The following FHIT variants were observed in gnomAD, a reference collection of about 807,000 sequenced individuals.
FHIT encodes the protein fragile histidine triad diadenosine triphosphatase.
Under a neutral mutation model 17.9 loss-of-function variants are expected in FHIT, and 19 were observed. The observed-to-expected ratio is 1.06, with a 90% CI of 0.74 to 1.56. The LOEUF (loss-of-function observed/expected upper bound fraction) is 1.56, where lower values mean the gene tolerates loss of function less well. Among genes scored for constraint, FHIT ranks in the 40% most tolerant of loss-of-function variants. The probability of loss-of-function intolerance (pLI) is 0.00; values close to 1 mark genes in which losing one functional copy is unlikely to be tolerated. For synonymous variants in FHIT, 81 were observed against 69.7 expected (o/e 1.16, Z -0.81); for missense variants, 248 against 189.2 (o/e 1.31, Z -1.82).
At chr3:60,131,854 C>T (rs1699610500) in intron 5 of FHIT, among the ~76,000 whole-genome samples, 1 of 152,096 alleles carries the variant, frequency 6.6e-6, no homozygotes, top group Non-Finnish European at 1.5e-5. Flanking sequence ...ACATAGGTCC[C>T]TTCCTCACTT....
chr3:60,333,139 T>C (rs956708955), intron 5 of FHIT, among the ~76,000 whole-genome samples: 6 of 152,242 alleles, frequency 3.9e-5, no homozygotes, highest in African/African-American at 1.2e-4. Flanking sequence ...ATTGGCTGAA[T>C]TACTTAACAG....
chr3:60,548,641 T>C (rs2036448613), intron 4 of FHIT, among the ~76,000 whole-genome samples: 1 of 152,280 alleles, frequency 6.6e-6, no homozygotes, highest in South Asian at 2.1e-4. Context: ...GTCCTCTAAG[T>C]AGCAACAACA....
At chr3:60,899,026 AT>A (rs1183570256) in intron 3 of FHIT, among the ~76,000 whole-genome samples, 1 of 152,056 alleles carries the variant, frequency 6.6e-6, no homozygotes, top group Non-Finnish European at 1.5e-5. Flanking sequence ...AATAACATGC[AT>A]TTTTTTTCCA....
intron 8 of FHIT, among the ~76,000 whole-genome samples, chr3:59,797,374 A>T (rs1225329497): frequency 6.6e-6 from 1 of 152,044 alleles, no homozygotes; most frequent in Non-Finnish European, 1.5e-5. Flanking sequence ...TTTAGTAGAG[A>T]TGGGGTTTTA....
intron 3 of FHIT, among the ~76,000 whole-genome samples, chr3:61,040,805 A>G (rs2033470877): frequency 6.6e-6 from 1 of 152,166 alleles, no homozygotes; most frequent in Non-Finnish European, 1.5e-5. Flanking sequence ...ACACAATAAG[A>G]GCCACTTATA....
At chr3:60,197,460 T>C (rs535743324) in intron 5 of FHIT, among the ~76,000 whole-genome samples, 2 of 152,350 alleles carry the variant, frequency 1.3e-5, no homozygotes, top group African/African-American at 2.4e-5. Context: ...ATTTTAACAG[T>C]ACTGGATTAA....
chr3:60,032,993 A>G (rs929265954), intron 5 of FHIT, among the ~76,000 whole-genome samples: 4 of 152,204 alleles, frequency 2.6e-5, no homozygotes, highest in Non-Finnish European at 5.9e-5. Context: ...AATCCGTACT[A>G]TAGAACAGTC....
At chr3:59,880,547 C>T (rs1703365402) in intron 8 of FHIT, among the ~76,000 whole-genome samples, 1 of 152,152 alleles carries the variant, frequency 6.6e-6, no homozygotes, top group Non-Finnish European at 1.5e-5. Flanking sequence ...AATCTAGTGC[C>T]ACAACTAAGT....
intron 4 of FHIT, chr3:60,537,605 C>G: frequency 4.9e-6 from 1 of 204,944 alleles, no homozygotes; most frequent in African/African-American, 2.4e-5. Flanking sequence ...AACAGGGCCA[C>G]AAAGCAGCAA....
chr3:60,922,729 C>G (rs888619991), intron 3 of FHIT, among the ~76,000 whole-genome samples: 5 of 152,176 alleles, frequency 3.3e-5, no homozygotes, highest in Non-Finnish European at 7.3e-5. Context: ...ACCAAGACAA[C>G]ACTAACATTT....
intron 5 of FHIT, among the ~76,000 whole-genome samples, chr3:60,015,996 A>T (rs1445336748): frequency 1.3e-5 from 2 of 152,200 alleles, no homozygotes; most frequent in Non-Finnish European, 2.9e-5. Context: ...TTATATGCCA[A>T]TTGTTTTAAA....
At chr3:60,267,812 T>C (rs1706660858) in intron 5 of FHIT, among the ~76,000 whole-genome samples, 1 of 152,208 alleles carries the variant, frequency 6.6e-6, no homozygotes, top group African/African-American at 2.4e-5. Flanking sequence ...ACCACGTACA[T>C]GAATACAAAA....
chr3:59,961,306 C>T lies in FHIT; in HGVS notation c.280-38892G>A, dbSNP rs114189787. Among the ~76,000 whole-genome samples, 1,410 of 152,184 alleles carry T rather than the reference C, an allele frequency of 9.3e-3. 33 individuals are homozygous for T. The highest frequency in any genetic ancestry group is 0.048 in the Middle Eastern group (14 of 294). ...TCCAGGGACATGTAAATACAATACACGTACCAAGTAATGAGTTTAATTACT... is the reference window on the plus strand; with the variant it reads ...TCCAGGGACATGTAAATACAATACATGTACCAAGTAATGAGTTTAATTACT... On this transcript the variant is annotated intron_variant, in intron 7 of 9. Coordinates refer to ENST00000492590, the MANE Select transcript of FHIT (RefSeq NM_002012.4).
intron 5 of FHIT, 67 bp from the exon 6 acceptor site, chr3:60,014,219 C>A: frequency 6.5e-7 from 1 of 1,533,254 alleles, no homozygotes; most frequent in Non-Finnish European, 8.9e-7. Flanking sequence ...GCAGTTCATA[C>A]CCACAGGATT....
intron 3 of FHIT, among the ~76,000 whole-genome samples, chr3:60,945,948 T>C (rs1357488762): frequency 6.6e-6 from 1 of 151,914 alleles, no homozygotes; most frequent in Non-Finnish European, 1.5e-5. Flanking sequence ...GCAGTCAGCA[T>C]AGTTGTGTGT....
At chr3:60,394,636 T>C (rs952521422) in intron 5 of FHIT, among the ~76,000 whole-genome samples, 1 of 152,094 alleles carries the variant, frequency 6.6e-6, no homozygotes, top group African/African-American at 2.4e-5. Flanking sequence ...TGAGCCTCAG[T>C]TTTTTCATCT....
intron 5 of FHIT, among the ~76,000 whole-genome samples, chr3:60,368,784 G>A (rs1559858894): frequency 6.6e-6 from 1 of 151,900 alleles, no homozygotes; most frequent in Non-Finnish European, 1.5e-5. Context: ...ATTTGTTATA[G>A]AACTTCTACA....
chr3:60,245,147 A>G (rs1705329100), intron 5 of FHIT, among the ~76,000 whole-genome samples: 1 of 152,122 alleles, frequency 6.6e-6, no homozygotes, highest in Non-Finnish European at 1.5e-5. Flanking sequence ...AGAAGTCATG[A>G]GCTTCATTTA....
At chr3:60,384,002 GCCCATGCCTGTAAT>G (rs1037415809) in intron 5 of FHIT, among the ~76,000 whole-genome samples, 1 of 152,178 alleles carries the variant, frequency 6.6e-6, no homozygotes, top group African/African-American at 2.4e-5. Context: ...GGCGCAGGTG[GCCCATGCCTGTAAT>G]CCCAGCACTT....
Sources: gnomAD v4.1 joint callset for allele counts (sites outside exome capture counted in the v4.1 genomes callset) on GRCh38, gnomAD v4.1.1 for gene constraint, MANE v1.5 for transcripts, NCBI Gene and HGNC (gene_info 2026-07-23, HGNC 2026-07-21) for gene names.